Variants in STARD13 observed in about 807,000 individuals in gnomAD.
STARD13 encodes the protein StAR related lipid transfer domain containing 13.
STARD13 carries 62 observed loss-of-function variants against 106.4 expected under a neutral mutation model. The ratio of observed to expected loss-of-function variants is 0.58; its 90% CI spans 0.48 to 0.72. STARD13 has a LOEUF of 0.72. Among genes scored for constraint, STARD13 ranks in the 30% least tolerant of loss-of-function variants. STARD13 has a pLI of 0.00. For synonymous variants in STARD13, 565 were observed against 553.0 expected, an observed-to-expected ratio of 1.02 and a Z score of -0.31; for missense variants, 1,387 against 1,424.0, an observed-to-expected ratio of 0.97 and a Z score of 0.42.
the STARD13 span, among the ~76,000 whole-genome samples, chr13:33,583,910 A>T: frequency 6.6e-6 from 1 of 152,044 alleles, no homozygotes; most frequent in Non-Finnish European, 1.5e-5. Context: ...GTTATTACGA[A>T]TAATGGTTAT....
chr13:33,651,138 T>C, the STARD13 span, among the ~76,000 whole-genome samples: 1 of 152,252 alleles, frequency 6.6e-6, no homozygotes, highest in Non-Finnish European at 1.5e-5. Context: ...AACTTCCTTA[T>C]TATGTTTTAA....
chr13:33,342,643 G>A (rs9527447), intron 1 of STARD13, among the ~76,000 whole-genome samples: 110,956 of 151,752 alleles, frequency 0.73, 41,475 homozygotes, highest in East Asian at 0.97. Flanking sequence ...CTATCTTCCC[G>A]CCTCAGCCTC....
chr13:33,500,757 G>A, the STARD13 span, among the ~76,000 whole-genome samples: 2 of 152,162 alleles, frequency 1.3e-5, no homozygotes, highest in South Asian at 4.1e-4. Context: ...AACTACAGCA[G>A]GAATTCTATC....
chr13:33,400,598 C>G, the STARD13 span, among the ~76,000 whole-genome samples: 1 of 152,090 alleles, frequency 6.6e-6, no homozygotes, highest in Non-Finnish European at 1.5e-5. Flanking sequence ...GTTGCTGGGA[C>G]TACAGGCGCC....
intron 1 of STARD13, among the ~76,000 whole-genome samples, chr13:33,171,491 A>ATCCT (rs1416224099): frequency 6.6e-6 from 1 of 152,186 alleles, no homozygotes; most frequent in African/African-American, 2.4e-5. Flanking sequence ...TCTGTCCAAC[A>ATCCT]TCCTTCCCTA....
intron 1 of STARD13, among the ~76,000 whole-genome samples, chr13:33,195,734 G>A (rs1358702748): frequency 6.6e-6 from 1 of 152,142 alleles, no homozygotes; most frequent in Non-Finnish European, 1.5e-5. Flanking sequence ...GTGAAGGAAG[G>A]CGGTAAGAAG....
the STARD13 span, among the ~76,000 whole-genome samples, chr13:33,624,332 T>C: frequency 7.9e-5 from 12 of 152,354 alleles, no homozygotes; most frequent in Admixed American, 6.5e-4. Context: ...GCTAAGATAC[T>C]GACTAAATGT....
At chr13:33,564,886 G>A in the STARD13 span, among the ~76,000 whole-genome samples, 6 of 144,926 alleles carry the variant, frequency 4.1e-5, 1 homozygote, top group Non-Finnish European at 9.1e-5. Flanking sequence ...CCAGCTACTC[G>A]GGAGGCTGAG....
chr13:33,648,792 T>C, the STARD13 span, among the ~76,000 whole-genome samples: 1 of 142,560 alleles, frequency 7.0e-6, no homozygotes, highest in Non-Finnish European at 1.5e-5. Context: ...TCTTTTTTTT[T>C]TTTTTTTTTT....
At chr13:33,187,404 A>G (rs1212656643) in intron 1 of STARD13, among the ~76,000 whole-genome samples, 1 of 152,226 alleles carries the variant, frequency 6.6e-6, no homozygotes, top group Non-Finnish European at 1.5e-5. Flanking sequence ...CTTATCTGCA[A>G]CTTCAGAAAG....
chr13:33,520,673 C>T, the STARD13 span, among the ~76,000 whole-genome samples: 6 of 152,074 alleles, frequency 3.9e-5, no homozygotes, highest in Non-Finnish European at 5.9e-5. Context: ...GCTTCACATA[C>T]ACTTCTGATC....
chr13:33,469,082 C>A, the STARD13 span, among the ~76,000 whole-genome samples: 1 of 152,166 alleles, frequency 6.6e-6, no homozygotes, highest in Non-Finnish European at 1.5e-5. Flanking sequence ...GCTAGCCTAC[C>A]ATAATATACA....
intron 1 of STARD13, among the ~76,000 whole-genome samples, chr13:33,179,604 CT>C (rs1042436126): frequency 6.4e-4 from 97 of 152,240 alleles, no homozygotes; most frequent in African/African-American, 2.2e-3. Flanking sequence ...CTGGGTGCCC[CT>C]GTTGTGAAAG....
the STARD13 span, among the ~76,000 whole-genome samples, chr13:33,557,067 G>GT: frequency 6.6e-6 from 1 of 152,186 alleles, no homozygotes; most frequent in African/African-American, 2.4e-5. Context: ...CATTCAATCT[G>GT]TAGAGCACCA....
At chr13:33,176,232 A>C (rs1441984154) in intron 1 of STARD13, among the ~76,000 whole-genome samples, 1 of 152,216 alleles carries the variant, frequency 6.6e-6, no homozygotes, top group African/African-American at 2.4e-5. Flanking sequence ...CTATTATCTG[A>C]GTATACATGA....
the STARD13 span, among the ~76,000 whole-genome samples, chr13:33,559,927 C>G: frequency 6.6e-6 from 1 of 151,534 alleles, no homozygotes; most frequent in Non-Finnish European, 1.5e-5. Context: ...GTCAGCAAGG[C>G]AGGAAGAGAG....
chr13:33,486,498 T>C, the STARD13 span, among the ~76,000 whole-genome samples: 1 of 152,196 alleles, frequency 6.6e-6, no homozygotes, highest in Admixed American at 6.5e-5. Flanking sequence ...TATACTGTAA[T>C]AAAAGTTATG....
At chr13:33,247,009 CA>C (rs1028106526) in intron 1 of STARD13, among the ~76,000 whole-genome samples, 3 of 151,930 alleles carry the variant, frequency 2.0e-5, no homozygotes, top group Non-Finnish European at 4.4e-5. Flanking sequence ...CCAGCCTGGC[CA>C]ACATGGTGAA....
downstream of STARD13, among the ~76,000 whole-genome samples, chr13:33,346,110 T>C (rs2078014113): frequency 1.3e-5 from 2 of 152,324 alleles, no homozygotes; most frequent in African/African-American, 4.8e-5. Flanking sequence ...ATCTCTGCCA[T>C]ATTGTGTGTC....
Sources: gnomAD v4.1 joint callset for allele counts (sites outside exome capture counted in the v4.1 genomes callset) on GRCh38, gnomAD v4.1.1 for gene constraint, MANE v1.5 for transcripts, NCBI Gene and HGNC (gene_info 2026-07-23, HGNC 2026-07-21) for gene names.